Variants in IL10RB observed in about 807,000 individuals in gnomAD.
IL10RB encodes interleukin 10 receptor subunit beta.
IL10RB carries 30 observed loss-of-function variants against 38.7 expected under a neutral mutation model. The ratio of observed to expected loss-of-function variants is 0.78; its 90% CI spans 0.58 to 1.05. The LOEUF (loss-of-function observed/expected upper bound fraction) is 1.05. Among genes scored for constraint, IL10RB ranks in the 50% least tolerant of loss-of-function variants. The probability of loss-of-function intolerance (pLI) is 0.00; values close to 1 mark genes in which losing one functional copy is unlikely to be tolerated. For missense variants in IL10RB, 328 were observed against 397.1 expected, an observed-to-expected ratio of 0.83 and a Z score of 1.48; for synonymous variants, 142 against 145.9, an observed-to-expected ratio of 0.97 and a Z score of 0.19.
At chr21:33,299,125 C>G (rs186146465), downstream of IL10RB, among the ~76,000 whole-genome samples, 1 of 152,202 alleles carries the variant, frequency 6.6e-6, no homozygotes, top group Non-Finnish European at 1.5e-5. Context: ...CCCACTCGCA[C>G]CCCCTCCCTC....
At chr21:33,275,198 C>G (rs1989148908) in intron 2 of IL10RB, among the ~76,000 whole-genome samples, 1 of 147,296 alleles carries the variant, frequency 6.8e-6, no homozygotes, top group Non-Finnish European at 1.5e-5. Flanking sequence ...CTCTGTTGCC[C>G]AAGCTGGAAT....
chr21:33,268,811 T>C (rs1407583696), intron 2 of IL10RB, among the ~76,000 whole-genome samples: 1 of 152,220 alleles, frequency 6.6e-6, no homozygotes, highest in Non-Finnish European at 1.5e-5. Flanking sequence ...AGTGGTAACC[T>C]CATGCTGTGC....
chr21:33,295,783 G>A (rs187970572), intron 6 of IL10RB, among the ~76,000 whole-genome samples: 47 of 151,766 alleles, frequency 3.1e-4, no homozygotes, highest in Non-Finnish European at 5.2e-4. Flanking sequence ...CGTGGCTCAC[G>A]CCTGTAATCC....
At chr21:33,301,385 G>C (rs1215571560), downstream of IL10RB, among the ~76,000 whole-genome samples, 4 of 152,114 alleles carry the variant, frequency 2.6e-5, no homozygotes, top group African/African-American at 9.7e-5. Context: ...ACTGACTATT[G>C]GGCTGGCACT....
chr21:33,268,400 G>T lies in IL10RB; in HGVS notation c.56G>T (p.Gly19Val). The change falls in exon 2 of 7, where the codon GGA (glycine) becomes GTA (valine). Residue 19 changes from glycine (G) to valine (V), a missense_variant. By Grantham distance (109) the Gly-to-Val change is moderately radical (BLOSUM62 -3). Coordinates refer to ENST00000290200, the MANE Select transcript of IL10RB (RefSeq NM_000628.5). ...TTTTGTCTTATTTTCATAGCATTGGGAATGGTACCACCTCCCGAAAATGTC... is the reference window on the plus strand; with the variant it reads ...TTTTGTCTTATTTTCATAGCATTGGTAATGGTACCACCTCCCGAAAATGTC... ...LGGCLLVSAL[G>V]MVPPPENVRM... 1 of 1,613,910 alleles carries T rather than the reference G, an allele frequency of 6.2e-7. No individual in the cohort carries two copies. The highest frequency in any genetic ancestry group is 1.1e-5 in the South Asian group (1 of 91,078).
chr21:33,305,962 G>T (rs944136496), intron 1 of IL10RB, among the ~76,000 whole-genome samples: 1 of 152,098 alleles, frequency 6.6e-6, no homozygotes, highest in African/African-American at 2.4e-5. Context: ...TTCCCAAGTA[G>T]CTGGGATTAC....
At chr21:33,292,663 C>T (rs2186279) in intron 6 of IL10RB, among the ~76,000 whole-genome samples, 62,190 of 151,980 alleles carry the variant, frequency 0.41, 13,177 homozygotes, top group Non-Finnish European at 0.47. Flanking sequence ...AAACAGAGTA[C>T]AATTATCTGC....
At chr21:33,275,667 T>C (rs900547979) in intron 2 of IL10RB, among the ~76,000 whole-genome samples, 3 of 152,244 alleles carry the variant, frequency 2.0e-5, no homozygotes, top group African/African-American at 7.2e-5. Flanking sequence ...TAAATTTCCT[T>C]CAACAACTTT....
At chr21:33,285,087 C>T (rs998685141) in intron 5 of IL10RB, among the ~76,000 whole-genome samples, 8 of 152,020 alleles carry the variant, frequency 5.3e-5, no homozygotes, top group African/African-American at 9.7e-5. Flanking sequence ...AGTGGGGTTT[C>T]GCCATATTGG....
intron 4 of IL10RB, among the ~76,000 whole-genome samples, chr21:33,280,803 A>G (rs1033832114): frequency 1.3e-5 from 2 of 152,186 alleles, no homozygotes; most frequent in South Asian, 2.1e-4. Context: ...GGGATCACCC[A>G]TGTTTATTAT....
At chr21:33,290,230 G>A (rs950708294) in intron 6 of IL10RB, among the ~76,000 whole-genome samples, 1 of 152,036 alleles carries the variant, frequency 6.6e-6, no homozygotes, top group African/African-American at 2.4e-5. Flanking sequence ...GGTGGAAGTT[G>A]CAGTGATCCC....
intron 1 of IL10RB, among the ~76,000 whole-genome samples, chr21:33,302,761 G>T (rs1030653050): frequency 3.2e-4 from 48 of 152,174 alleles, no homozygotes; most frequent in East Asian, 1.9e-4. Flanking sequence ...TCGAGGGGGG[G>T]ATATTTCAGG....
At position 33,297,107 on chromosome 21, in the gene IL10RB, T is replaced by C. The variant is rs1465751906; in HGVS notation, c.*750T>C. 6.3e-6 allele frequency: 1 copy of C among 158,552 alleles called. No individual in the cohort carries two copies. The highest frequency in any genetic ancestry group is 1.8e-4 in the East Asian group (1 of 5,498). The allele number at this position is 158,552 out of a possible 1,614,324, so 9.8% of individuals were successfully genotyped here. ...AACTCAAGGGTGGTCAGCTCAATGC[T>C]ACACAGAGCACGGACTTTTGGATTC... On this transcript the variant is annotated 3_prime_UTR_variant, in exon 7 of 7. Transcript: ENST00000290200.
chr21:33,269,999 CCTCT>C (rs200949958), intron 2 of IL10RB, among the ~76,000 whole-genome samples: 1 of 151,928 alleles, frequency 6.6e-6, no homozygotes, highest in Non-Finnish European at 1.5e-5. Context: ...TCTCTCCCTT[CCTCT>C]CTCTCTCTCA....
At chr21:33,276,511 C>CG (rs1285860464) in intron 2 of IL10RB, 85 bp from the exon 3 acceptor site, 1 of 1,065,738 alleles carries the variant, frequency 9.4e-7, no homozygotes, top group African/African-American at 1.6e-5. Flanking sequence ...CCCGCGCCGC[C>CG]CCCCCCTCCA....
rs8178459 is a variant in IL10RB, at chr21:33,272,387, T to C, written c.173+3870T>C. Among the ~76,000 whole-genome samples, 892 of 152,310 alleles carry C rather than the reference T, an allele frequency of 5.9e-3. 13 individuals are homozygous for C. Among genetic ancestry groups the C allele is most frequent in the African/African-American group, 0.02 (852 of 41,568 alleles). On this transcript the variant is annotated intron_variant, in intron 2 of 6. Coordinates refer to ENST00000290200, the MANE Select transcript of IL10RB (RefSeq NM_000628.5). Reference sequence around the variant, plus strand: ...AAATTGGTTTTGGCACCAGAAGATGTCTTGGGGGACCAATCAGATAGCTCC... The same window carrying C: ...AAATTGGTTTTGGCACCAGAAGATGCCTTGGGGGACCAATCAGATAGCTCC...
At chr21:33,302,132 C>A (rs2082987471), downstream of IL10RB, among the ~76,000 whole-genome samples, 1 of 152,206 alleles carries the variant, frequency 6.6e-6, no homozygotes, top group Admixed American at 6.5e-5. Context: ...ATGGCTAGGA[C>A]CTGAGGATGC....
At chr21:33,305,260 C>T (rs1248605085) in intron 1 of IL10RB, among the ~76,000 whole-genome samples, 1 of 152,118 alleles carries the variant, frequency 6.6e-6, no homozygotes, top group African/African-American at 2.4e-5. Context: ...CGATGCGCAC[C>T]ACCACGACAG....
At chr21:33,290,534 T>G (rs1449906125) in intron 6 of IL10RB, among the ~76,000 whole-genome samples, 1 of 152,184 alleles carries the variant, frequency 6.6e-6, no homozygotes, top group Admixed American at 6.5e-5. Context: ...AGTAGGTCAC[T>G]GGGCATGATG....
Sources: gnomAD v4.1 joint callset for allele counts (sites outside exome capture counted in the v4.1 genomes callset) on GRCh38, gnomAD v4.1.1 for gene constraint, MANE v1.5 for transcripts, NCBI Gene and HGNC (gene_info 2026-07-23, HGNC 2026-07-21) for gene names.